The following AHRR variants were observed in gnomAD, a reference collection of about 807,000 sequenced individuals.
AHRR encodes the protein aryl hydrocarbon receptor repressor.
In AHRR, 28 loss-of-function variants were observed where a neutral mutation model predicts 44.0. The ratio of observed to expected loss-of-function variants is 0.64; its 90% CI spans 0.47 to 0.87. The LOEUF is 0.87. Among genes scored for constraint, AHRR ranks in the 40% least tolerant of loss-of-function variants. The probability of loss-of-function intolerance (pLI) is 0.00; values close to 1 mark genes in which losing one functional copy is unlikely to be tolerated. For missense variants in AHRR, 990 were observed against 953.9 expected, an observed-to-expected ratio of 1.04 and a Z score of -0.50; for synonymous variants, 434 against 407.0, an observed-to-expected ratio of 1.07 and a Z score of -0.80.
At chr5:391,389 A>ACACAC (rs1734433534) in intron 4 of AHRR, among the ~76,000 whole-genome samples, 1 of 80,650 alleles carries the variant, frequency 1.2e-5, no homozygotes, top group African/African-American at 9.3e-5. Flanking sequence ...CAGGGCGAGG[A>ACACAC]GGGCGCAGGG....
chr5:343,340 G>A (rs546900762), intron 1 of AHRR, among the ~76,000 whole-genome samples: 4 of 145,734 alleles, frequency 2.7e-5, no homozygotes, highest in Non-Finnish European at 6.1e-5. Flanking sequence ...AGGAACGTGG[G>A]ACCCCACGTA....
At chr5:424,178 G>A (rs1310118168) in intron 7 of AHRR, among the ~76,000 whole-genome samples, 2 of 150,074 alleles carry the variant, frequency 1.3e-5, no homozygotes, top group Admixed American at 6.7e-5. Flanking sequence ...GGTGGGAGAG[G>A]GCTGGGCACT....
chr5:331,303 A>T (rs1193879561), intron 1 of AHRR, among the ~76,000 whole-genome samples: 1 of 152,188 alleles, frequency 6.6e-6, no homozygotes, highest in Non-Finnish European at 1.5e-5. Flanking sequence ...CCAGGAATTT[A>T]TCCATTTCCT....
chr5:420,647 G>A (rs528695612), intron 5 of AHRR, among the ~76,000 whole-genome samples: 4 of 152,368 alleles, frequency 2.6e-5, no homozygotes, highest in Admixed American at 1.3e-4. Context: ...ATGTGGAGAG[G>A]ATGGAAGGGT....
intron 7 of AHRR, 87 bp downstream of exon 7, chr5:424,064 G>C: frequency 1.3e-6 from 2 of 1,524,972 alleles, no homozygotes; most frequent in African/African-American, 2.7e-5. Context: ...GCAAGAGGGG[G>C]TGGGGGCGTT....
intron 8 of AHRR, among the ~76,000 whole-genome samples, chr5:431,820 G>A (rs2126548758): frequency 6.6e-6 from 1 of 152,352 alleles, no homozygotes; most frequent in African/African-American, 2.4e-5. Flanking sequence ...GGGGCATTGT[G>A]AGTCTTGTGT....
At chr5:331,876 C>T (rs1025292365) in intron 1 of AHRR, among the ~76,000 whole-genome samples, 2 of 152,172 alleles carry the variant, frequency 1.3e-5, no homozygotes, top group East Asian at 1.9e-4. Context: ...CCATCCCTAC[C>T]GACATCTGCA....
intron 4 of AHRR, among the ~76,000 whole-genome samples, chr5:392,485 G>A (rs1365220774): frequency 6.6e-6 from 1 of 152,160 alleles, no homozygotes; most frequent in East Asian, 1.9e-4. Flanking sequence ...CGGGCGCAGG[G>A]CGAGGTGGGT....
chr5:390,738 T>C (rs529191861), intron 4 of AHRR, among the ~76,000 whole-genome samples: 31 of 152,098 alleles, frequency 2.0e-4, no homozygotes, highest in African/African-American at 7.0e-4. Flanking sequence ...TCTGTGAGAT[T>C]CCACACCCTC....
chr5:421,224 G>T (rs964125872), intron 5 of AHRR: 3 of 684,888 alleles, frequency 4.4e-6, no homozygotes, highest in African/African-American at 3.7e-5. Context: ...CCTCCTCGTC[G>T]GCAACGCCCA....
At chr5:421,021 G>A (rs1258213783) in intron 5 of AHRR, 2 of 483,102 alleles carry the variant, frequency 4.1e-6, no homozygotes, top group East Asian at 7.9e-5. Context: ...GAGGTGGAAA[G>A]TTGAAACCAT....
chr5:405,872 G>A lies in AHRR; in HGVS notation c.352-7472G>A, dbSNP rs952463587. On this transcript the variant is annotated intron_variant, in intron 4 of 10. Coordinates refer to ENST00000684583, the MANE Select transcript of AHRR (RefSeq NM_001377236.1). This position sits in a 1 kb window ranked among gnomAD's most constrained non-coding sequence, Gnocchi z 4.5. Reference sequence around the variant, plus strand: ...GGCTTTGCAGCCTAGCAAGGCTCTCGGTCTGAGGCTGCGTCCTTCTGGTGT... The same window carrying A: ...GGCTTTGCAGCCTAGCAAGGCTCTCAGTCTGAGGCTGCGTCCTTCTGGTGT... 3.9e-5 allele frequency among the ~76,000 whole-genome samples: 6 copies of A among 152,170 alleles called. No individual in the cohort carries two copies. Among genetic ancestry groups the A allele is most frequent in the Non-Finnish European group, 8.8e-5 (6 of 68,034 alleles).
intron 5 of AHRR, chr5:420,930 A>G: frequency 7.2e-6 from 1 of 139,100 alleles, no homozygotes; most frequent in Non-Finnish European, 1.2e-5. Context: ...ACGCACACGC[A>G]GCCACCCACC....
At chr5:346,299 C>G (rs887825814) in intron 2 of AHRR, among the ~76,000 whole-genome samples, 14 of 152,334 alleles carry the variant, frequency 9.2e-5, no homozygotes, top group African/African-American at 2.9e-4. Flanking sequence ...GGGAGCCAGC[C>G]TGAAGACACT....
intron 1 of AHRR, among the ~76,000 whole-genome samples, chr5:335,814 G>C (rs1397058956): frequency 6.6e-6 from 1 of 152,246 alleles, no homozygotes; most frequent in Non-Finnish European, 1.5e-5. Flanking sequence ...CCGCAACTCA[G>C]CTCCAGGCTG....
intron 4 of AHRR, among the ~76,000 whole-genome samples, chr5:402,351 G>A (rs1215445299): frequency 1.4e-5 from 2 of 146,508 alleles, no homozygotes; most frequent in Admixed American, 6.8e-5. Context: ...GAAGGCAGTC[G>A]TTGATGAGGG....
intron 5 of AHRR, chr5:421,442 C>CG (rs1469158822): frequency 1.9e-6 from 1 of 539,458 alleles, no homozygotes; most frequent in Non-Finnish European, 3.3e-6. Flanking sequence ...TCGCGGGTGC[C>CG]GGCGATGCCC....
intron 4 of AHRR, among the ~76,000 whole-genome samples, chr5:377,338 G>A (rs772066586): frequency 1.2e-4 from 18 of 152,204 alleles, no homozygotes; most frequent in African/African-American, 2.2e-4. Flanking sequence ...GAATCCATTC[G>A]CCATTTTGAA....
At chr5:336,721 T>G (rs568842756) in intron 1 of AHRR, among the ~76,000 whole-genome samples, 33 of 152,226 alleles carry the variant, frequency 2.2e-4, no homozygotes, top group Non-Finnish European at 3.4e-4. Context: ...ATTGCCACAT[T>G]TAAGGTCATT....
Sources: gnomAD v4.1 joint callset for allele counts (sites outside exome capture counted in the v4.1 genomes callset) on GRCh38, gnomAD v4.1.1 for gene constraint, Gnocchi (gnomAD v3.1) non-coding constraint, MANE v1.5 for transcripts, NCBI Gene and HGNC (gene_info 2026-07-23, HGNC 2026-07-21) for gene names.